Variants in EPB41L1 observed in about 807,000 individuals in gnomAD.
The protein encoded by EPB41L1 is band 4.1-like protein 1.
EPB41L1 carries 29 observed loss-of-function variants against 97.8 expected under a neutral mutation model. The observed-to-expected ratio is 0.30, with a 90% CI of 0.22 to 0.40. The LOEUF (loss-of-function observed/expected upper bound fraction) is 0.40. Ranked by LOEUF, EPB41L1 falls within the 10% of genes least tolerant of loss-of-function variation. The probability of loss-of-function intolerance (pLI) is 1.00; values close to 1 mark genes in which losing one functional copy is unlikely to be tolerated. For missense variants in EPB41L1, 812 were observed against 1,162.3 expected (o/e 0.70, Z 4.38); for synonymous variants, 383 against 459.2 (o/e 0.83, Z 2.12).
At chr20:36,226,335 TCA>T (rs1170280615) in intron 21 of EPB41L1, among the ~76,000 whole-genome samples, 2 of 152,198 alleles carry the variant, frequency 1.3e-5, no homozygotes, top group Non-Finnish European at 2.9e-5. Context: ...GCAATGATCA[TCA>T]CAGTAATAAC....
chr20:36,195,228 G>A lies in EPB41L1; in HGVS notation c.1450-101G>A, dbSNP rs940826396. ...CTGGCCTCCACTTGGTCGAGTGTGC[G>A]TGCTCTGGGCTCCTTGCTGGACCAA... is the stretch of plus-strand genomic sequence containing the variant. On this transcript the variant is annotated intron_variant, in intron 12 of 21. Coordinates refer to ENST00000338074, the MANE Select transcript of EPB41L1 (RefSeq NM_012156.2). This position sits in a 1 kb window ranked among gnomAD's most constrained non-coding sequence, Gnocchi z 4.6. 57 of 1,447,704 alleles carry A rather than the reference G, an allele frequency of 3.9e-5. 1 individual carries two copies. Among genetic ancestry groups the A allele is most frequent in the Admixed American group, 5.2e-5 (3 of 57,868 alleles). 89.7% of individuals were successfully genotyped at this position (1,447,704 alleles called of 1,614,324 possible).
intron 1 of EPB41L1, among the ~76,000 whole-genome samples, chr20:36,162,537 G>C (rs1290377915): frequency 6.6e-6 from 1 of 152,156 alleles, no homozygotes; most frequent in Admixed American, 6.5e-5. Context: ...CCCTTGTGCA[G>C]CTCAAATAAG....
At chr20:36,112,657 C>T (rs967396629) in intron 2 of EPB41L1, among the ~76,000 whole-genome samples, 1 of 152,208 alleles carries the variant, frequency 6.6e-6, no homozygotes, top group African/African-American at 2.4e-5. Context: ...GGGACCCTCC[C>T]TGGTTTTGGC....
intron 2 of EPB41L1, among the ~76,000 whole-genome samples, chr20:36,136,009 G>A (rs1035882570): frequency 3.3e-5 from 5 of 152,082 alleles, no homozygotes; most frequent in Non-Finnish European, 7.4e-5. Flanking sequence ...TTTCGTCTTT[G>A]GATCATTAAC....
chr20:36,197,399 C>T (rs948711072), intron 13 of EPB41L1, among the ~76,000 whole-genome samples: 3 of 152,180 alleles, frequency 2.0e-5, no homozygotes, highest in Non-Finnish European at 2.9e-5. Context: ...CTAGGAGGCA[C>T]CTGAATGAGT....
At chr20:36,137,501 A>C (rs1277862106) in intron 2 of EPB41L1, among the ~76,000 whole-genome samples, 1 of 151,966 alleles carries the variant, frequency 6.6e-6, no homozygotes, top group Admixed American at 6.6e-5. Context: ...GATTATAGGC[A>C]TGAGTCACCG....
At position 36,195,230 on chromosome 20, in the gene EPB41L1, G is replaced by A; in HGVS notation, c.1450-99G>A. 6.8e-7 allele frequency: 1 copy of A among 1,463,304 alleles called. No individual in the cohort carries two copies. Among genetic ancestry groups the A allele is most frequent in the Non-Finnish European group, 9.5e-7 (1 of 1,048,882 alleles). 90.6% of individuals were successfully genotyped at this position (1,463,304 alleles called of 1,614,324 possible). A position where few individuals can be genotyped will look rare whatever the true frequency, so the allele number is the denominator to read the frequency against. On this transcript the variant is annotated intron_variant, in intron 12 of 21. Coordinates refer to ENST00000338074, the MANE Select transcript of EPB41L1 (RefSeq NM_012156.2). This position sits in a 1 kb window ranked among gnomAD's most constrained non-coding sequence, Gnocchi z 4.6. ...GGCCTCCACTTGGTCGAGTGTGCGT[G>A]CTCTGGGCTCCTTGCTGGACCAAGC...
At chr20:36,228,178 T>C (rs968007259) in intron 21 of EPB41L1, among the ~76,000 whole-genome samples, 6 of 152,184 alleles carry the variant, frequency 3.9e-5, no homozygotes, top group African/African-American at 1.4e-4. Context: ...GAGTAGTTGC[T>C]ATGTGCCAGG....
chr20:36,204,471 C>CTTT (rs765673962), intron 14 of EPB41L1, among the ~76,000 whole-genome samples: 11 of 90,606 alleles, frequency 1.2e-4, no homozygotes, highest in East Asian at 2.8e-4. Context: ...CGATCTGGTG[C>CTTT]TTTTTTTTTT....
At chr20:36,132,596 C>T (rs901716546) in intron 2 of EPB41L1, among the ~76,000 whole-genome samples, 4 of 149,776 alleles carry the variant, frequency 2.7e-5, no homozygotes, top group Non-Finnish European at 5.9e-5. Context: ...ATTATGCCTG[C>T]CACAGCAGCC....
chr20:36,100,044 C>A (rs530512273), intron 1 of EPB41L1, among the ~76,000 whole-genome samples: 6 of 152,344 alleles, frequency 3.9e-5, no homozygotes, highest in East Asian at 1.9e-4. Context: ...GGCCACCATG[C>A]GGGGCTCTGG....
At chr20:36,173,158 T>G in intron 1 of EPB41L1, among the ~76,000 whole-genome samples, 1 of 152,246 alleles carries the variant, frequency 6.6e-6, no homozygotes. Flanking sequence ...ACTGAGCCTG[T>G]TCTTTTGACT....
At chr20:36,216,784 C>T (rs1404522105) in intron 17 of EPB41L1, among the ~76,000 whole-genome samples, 3 of 152,050 alleles carry the variant, frequency 2.0e-5, no homozygotes, top group African/African-American at 7.2e-5. Context: ...GATGCTGGTG[C>T]CCAGGCTGGG....
intron 1 of EPB41L1, among the ~76,000 whole-genome samples, chr20:36,095,840 C>T (rs887190424): frequency 3.3e-5 from 5 of 152,014 alleles, no homozygotes; most frequent in Admixed American, 6.6e-5. Flanking sequence ...GTCAGGAGTT[C>T]GAGAGCAGCC....
At chr20:36,145,267 T>C (rs991340070) in intron 2 of EPB41L1, among the ~76,000 whole-genome samples, 12 of 151,956 alleles carry the variant, frequency 7.9e-5, no homozygotes, top group African/African-American at 2.9e-4. Flanking sequence ...GGTGGGTGCC[T>C]GTAATCCCAG....
rs2062914330 is a variant in EPB41L1 at position 36,207,845 on chromosome 20, T to C, written c.1669-1643T>C. ...CCGCCCATGGGGGCTGGCCGCATGC[T>C]CTGTAGTTTTTAGAAGCATGTTTCA... On this transcript the variant is annotated intron_variant, in intron 14 of 21. Coordinates refer to ENST00000338074, the MANE Select transcript of EPB41L1 (RefSeq NM_012156.2). The surrounding 1 kb of genome is among the most constrained non-coding windows in gnomAD (Gnocchi z 4.9). The C allele has an allele frequency of 8.2e-7, 1 of 1,223,650 alleles. No individual in the cohort carries two copies. The highest frequency in any genetic ancestry group is 1.6e-5 in the African/African-American group (1 of 63,690). The allele number at this position is 1,223,650 out of a possible 1,614,324, so 75.8% of individuals were successfully genotyped here.
At chr20:36,178,200 C>T (rs2061330169) in intron 4 of EPB41L1, 144 bp downstream of exon 4, 1 of 708,540 alleles carries the variant, frequency 1.4e-6, no homozygotes, top group South Asian at 1.6e-5. Context: ...CCCTATCCAC[C>T]TGCGGTTCCC....
rs866503917 is a variant in EPB41L1, at chr20:36,206,552, C to T, written c.1669-2936C>T. ...GAGGAGAGAAAAGGGCGCCTGGATGCCCCTCCCGGAGGTGAGCCCAGGCCG... is the reference window on the plus strand; with the variant it reads ...GAGGAGAGAAAAGGGCGCCTGGATGTCCCTCCCGGAGGTGAGCCCAGGCCG... On this transcript the variant is annotated intron_variant, in intron 14 of 21. Coordinates refer to ENST00000338074, the MANE Select transcript of EPB41L1 (RefSeq NM_012156.2). This position sits in a 1 kb window ranked among gnomAD's most constrained non-coding sequence, Gnocchi z 5.5. 7.8e-7 allele frequency: 1 copy of T among 1,289,836 alleles called. No homozygotes were observed. Among genetic ancestry groups the T allele is most frequent in the Non-Finnish European group, 1.0e-6 (1 of 988,862 alleles). 79.9% of individuals were successfully genotyped at this position (1,289,836 alleles called of 1,614,324 possible). A position where few individuals can be genotyped will look rare whatever the true frequency, so the allele number is the denominator to read the frequency against.
intron 1 of EPB41L1, among the ~76,000 whole-genome samples, chr20:36,111,164 A>G (rs1271991925): frequency 6.6e-6 from 1 of 152,206 alleles, no homozygotes; most frequent in Non-Finnish European, 1.5e-5. Context: ...GAGGAAGTAA[A>G]GTGACTTGCC....
Sources: gnomAD v4.1 joint callset for allele counts (sites outside exome capture counted in the v4.1 genomes callset) on GRCh38, gnomAD v4.1.1 for gene constraint, Gnocchi (gnomAD v3.1) non-coding constraint, MANE v1.5 for transcripts, NCBI Gene and HGNC (gene_info 2026-07-23, HGNC 2026-07-21) for gene names.